Variants in SEMA4F observed in about 807,000 individuals in gnomAD.
SEMA4F encodes the protein ssemaphorin 4F.
In SEMA4F, 51 loss-of-function variants were observed where a neutral mutation model predicts 78.4. The ratio of observed to expected loss-of-function variants is 0.65; its 90% CI spans 0.52 to 0.82. The LOEUF (loss-of-function observed/expected upper bound fraction) is 0.82, where lower values mean the gene tolerates loss of function less well. Among genes scored for constraint, SEMA4F ranks in the 40% least tolerant of loss-of-function variants. The probability of loss-of-function intolerance (pLI) is 0.00; values close to 1 mark genes in which losing one functional copy is unlikely to be tolerated. For synonymous variants in SEMA4F, 418 were observed against 408.7 expected, an observed-to-expected ratio of 1.02 and a Z score of -0.27; for missense variants, 938 against 1,014.4, an observed-to-expected ratio of 0.92 and a Z score of 1.02.
At chr2:74,657,732 C>G (rs1213563127) in intron 3 of SEMA4F, 108 bp downstream of exon 3, 1 of 1,391,676 alleles carries the variant, frequency 7.2e-7, no homozygotes, top group Non-Finnish European at 1.0e-6. Flanking sequence ...GGCAGAGACT[C>G]TAACACCATG....
Position 74,680,416 on chromosome 2 carries a change from T to G in SEMA4F, c.*207T>G. On this transcript the variant is annotated 3_prime_UTR_variant, in exon 14 of 14. Transcript: ENST00000357877. ...CCTGATTCCTGATTCCCATGAGAAA[T>G]CAGAACTGCTTTCTGCAGCAAATCA... The G allele has an allele frequency of 1.9e-6, 1 of 535,954 alleles. No individual in the cohort carries two copies. The allele number at this position is 535,954 out of a possible 1,614,324, so 33.2% of individuals were successfully genotyped here.
chr2:74,675,904 C>T lies in SEMA4F; in HGVS notation c.1638C>T (p.His546=), dbSNP rs758521288. Residue 546 remains histidine (H), a synonymous_variant, in exon 12 of 14, where the codon CAC becomes CAT. Coordinates refer to ENST00000357877, the MANE Select transcript of SEMA4F (RefSeq NM_004263.5). The part of the protein sequence containing the change: ...LDECVAHAGE[H]RGLVQDIESA... Reference sequence around the variant, plus strand: ...AGTGTGTGGCCCATGCCGGGGAGCACCGAGGGTGAGTGTAGCTGCCTGGAT... The same window carrying T: ...AGTGTGTGGCCCATGCCGGGGAGCATCGAGGGTGAGTGTAGCTGCCTGGAT... 8 of 1,610,944 alleles carry T rather than the reference C, an allele frequency of 5.0e-6. No homozygotes were observed. Among genetic ancestry groups the T allele is most frequent in the Non-Finnish European group, 6.8e-6 (8 of 1,178,838 alleles).
At chr2:74,654,780 G>A (rs935404130) in intron 1 of SEMA4F, among the ~76,000 whole-genome samples, 1 of 152,208 alleles carries the variant, frequency 6.6e-6, no homozygotes, top group African/African-American at 2.4e-5. Context: ...GGCTGCACCA[G>A]CGGGCCCTAT....
chr2:74,673,274 G>A (rs1402507881), intron 5 of SEMA4F, among the ~76,000 whole-genome samples, 183 bp from the exon 6 acceptor site: 2 of 152,174 alleles, frequency 1.3e-5, no homozygotes, highest in African/African-American at 4.8e-5. Flanking sequence ...CTGCCCTGGA[G>A]CAGTTTATGT....
the SEMA4F span, among the ~76,000 whole-genome samples, chr2:74,694,048 G>A: frequency 1.3e-3 from 198 of 152,292 alleles, 1 homozygote; most frequent in African/African-American, 4.6e-3. Context: ...AACTCTGATA[G>A]ACTCAGGTAA....
intron 12 of SEMA4F, among the ~76,000 whole-genome samples, chr2:74,676,390 A>T (rs914055094): frequency 6.6e-6 from 1 of 152,164 alleles, no homozygotes; most frequent in South Asian, 2.1e-4. Flanking sequence ...GTTACTTTCA[A>T]TACCATCTGA....
At chr2:74,685,273 G>A (rs893443790), downstream of SEMA4F, among the ~76,000 whole-genome samples, 1 of 152,240 alleles carries the variant, frequency 6.6e-6, no homozygotes, top group Admixed American at 6.5e-5. Context: ...GAAACTTAGT[G>A]TCTCACTTAG....
At chr2:74,703,546 A>G in the SEMA4F span, among the ~76,000 whole-genome samples, 4 of 152,256 alleles carry the variant, frequency 2.6e-5, no homozygotes, top group East Asian at 3.9e-4. Flanking sequence ...TTGTGTTGCA[A>G]TGGGCCAAAA....
rs1249913497 is a variant in SEMA4F at position 74,658,475 on chromosome 2, C to T, written c.456+524C>T. On this transcript the variant is annotated intron_variant, in intron 4 of 13. Coordinates refer to ENST00000357877, the MANE Select transcript of SEMA4F (RefSeq NM_004263.5). The surrounding 1 kb of genome is among the most constrained non-coding windows in gnomAD (Gnocchi z 4.3). ...CTCTCATGGCTTCTGATGTCACTTCCACTAATGTAATATCTGCTGGCCCCA... is the reference window on the plus strand; with the variant it reads ...CTCTCATGGCTTCTGATGTCACTTCTACTAATGTAATATCTGCTGGCCCCA... Among the ~76,000 whole-genome samples, 1 of 152,220 alleles carries T rather than the reference C, an allele frequency of 6.6e-6. No individual in the cohort carries two copies. The highest frequency in any genetic ancestry group is 1.5e-5 in the Non-Finnish European group (1 of 68,030).
intron 1 of SEMA4F, among the ~76,000 whole-genome samples, chr2:74,654,730 C>G (rs1217348395): frequency 6.6e-6 from 1 of 152,238 alleles, no homozygotes; most frequent in Non-Finnish European, 1.5e-5. Flanking sequence ...CCCCTCATCC[C>G]CAGCCCGGGC....
At chr2:74,656,867 C>T (rs1024481026) in intron 2 of SEMA4F, among the ~76,000 whole-genome samples, 182 bp downstream of exon 2, 5 of 151,808 alleles carry the variant, frequency 3.3e-5, no homozygotes, top group Admixed American at 6.6e-5. Context: ...AAGAGTATGG[C>T]GGGTCAGGGT....
At chr2:74,699,499 G>A in the SEMA4F span, among the ~76,000 whole-genome samples, 3 of 152,208 alleles carry the variant, frequency 2.0e-5, no homozygotes, top group African/African-American at 7.2e-5. Flanking sequence ...TGCCACATAG[G>A]CTGTTGGATA....
downstream of SEMA4F, among the ~76,000 whole-genome samples, chr2:74,686,703 A>G (rs1240044580): frequency 7.2e-5 from 11 of 152,234 alleles, no homozygotes; most frequent in African/African-American, 2.7e-4. Context: ...CAGCCGTAAA[A>G]AGAATGAATT....
At chr2:74,657,725 A>G in intron 3 of SEMA4F, 101 bp downstream of exon 3, 2 of 1,408,512 alleles carry the variant, frequency 1.4e-6, no homozygotes, top group Non-Finnish European at 1.0e-6. Flanking sequence ...GGGCCCAGGC[A>G]GAGACTCTAA....
chr2:74,696,489 C>T, the SEMA4F span, among the ~76,000 whole-genome samples: 5 of 152,232 alleles, frequency 3.3e-5, no homozygotes, highest in Non-Finnish European at 5.9e-5. Flanking sequence ...TGAGCCACCG[C>T]GCCCGGCCCT....
At chr2:74,677,432 C>T (rs1685355944) in intron 12 of SEMA4F, among the ~76,000 whole-genome samples, 1 of 151,972 alleles carries the variant, frequency 6.6e-6, no homozygotes, top group Admixed American at 6.6e-5. Context: ...CATACAAGGG[C>T]TTTAAAAAAA....
chr2:74,670,607 A>G (rs1382589732), intron 5 of SEMA4F, among the ~76,000 whole-genome samples: 1 of 152,156 alleles, frequency 6.6e-6, no homozygotes, highest in Admixed American at 6.5e-5. Context: ...CTCCAACCCT[A>G]CGTACCAAGT....
At chr2:74,698,362 TATGGG>T in the SEMA4F span, among the ~76,000 whole-genome samples, 1 of 152,170 alleles carries the variant, frequency 6.6e-6, no homozygotes, top group East Asian at 1.9e-4. Flanking sequence ...TGATACATAT[TATGGG>T]ATGGGATGGG....
chr2:74,675,502 C>A lies in SEMA4F; in HGVS notation c.1373-23C>A, dbSNP rs1313219232. The A allele has an allele frequency of 4.4e-6, 7 of 1,607,814 alleles. No homozygotes were observed. The African/African-American group carries it at 9.4e-5, about 21-fold the overall frequency. ...GCACAGGGGCAATTATGTAATTATT[C>A]TTGTTCCTTTCCTGTCCCCTAGAGG... is the stretch of plus-strand genomic sequence containing the variant. On this transcript the variant is annotated intron_variant, in intron 10 of 13. Transcript: ENST00000357877.
Sources: allele counts gnomAD v4.1 joint callset (sites outside exome capture counted in the v4.1 genomes callset), GRCh38; gene constraint gnomAD v4.1.1; non-coding constraint Gnocchi (gnomAD v3.1); transcripts MANE v1.5; gene names NCBI Gene and HGNC (gene_info 2026-07-23, HGNC 2026-07-21).